TMC1: variants seen among roughly 807,000 people sequenced by gnomAD.
TMC1 encodes the protein transmembrane channel-like protein 1.
TMC1 carries 84 observed loss-of-function variants against 105.8 expected under a neutral mutation model. The ratio of observed to expected loss-of-function variants is 0.79; its 90% CI spans 0.67 to 0.95. TMC1 has a LOEUF of 0.95. Ranked by LOEUF, TMC1 falls within the 40% of genes least tolerant of loss-of-function variation. TMC1 has a pLI of 0.00. For synonymous variants in TMC1, 315 were observed against 311.5 expected (o/e 1.01, Z -0.12); for missense variants, 817 against 914.1 (o/e 0.89, Z 1.37).
chr9:72,558,923 T>C (rs1436846893), intron 1 of TMC1, among the ~76,000 whole-genome samples: 2 of 151,818 alleles, frequency 1.3e-5, no homozygotes, highest in African/African-American at 4.8e-5. Context: ...CATTTTTTTT[T>C]GTTATAAGAA....
At chr9:72,694,817 A>G (rs1490176732) in intron 7 of TMC1, 103 bp downstream of exon 7, 1 of 1,122,866 alleles carries the variant, frequency 8.9e-7, no homozygotes, top group South Asian at 1.4e-5. Flanking sequence ...CTACTTTTAG[A>G]AAGAGAGCCT....
Position 72,732,286 on chromosome 9 carries a change from G to A in TMC1, c.363-7833G>A, listed in dbSNP as rs535647091. Among the ~76,000 whole-genome samples the A allele has an allele frequency of 2.0e-5, 3 of 152,206 alleles. No individual in the cohort carries two copies. In the South Asian group the frequency reaches 6.2e-4, roughly 32 times the overall value. On this transcript the variant is annotated intron_variant, in intron 8 of 23. Transcript: ENST00000297784. Reference sequence around the variant, plus strand: ...TATGAAAAATAATAAATATCAGCTGGGCAAGGTGGCTGACACCTATAATCC... The same window carrying A: ...TATGAAAAATAATAAATATCAGCTGAGCAAGGTGGCTGACACCTATAATCC...
chr9:72,581,011 GTC>G (rs1335623546), intron 2 of TMC1, among the ~76,000 whole-genome samples: 1 of 152,210 alleles, frequency 6.6e-6, no homozygotes, highest in African/African-American at 2.4e-5. Context: ...TTTGCAGAAA[GTC>G]CAGCTTTCAC....
intron 12 of TMC1, among the ~76,000 whole-genome samples, chr9:72,768,408 A>C (rs1827872516): frequency 6.6e-6 from 1 of 152,202 alleles, no homozygotes; most frequent in African/African-American, 2.4e-5. Context: ...CCACCATGGC[A>C]TATGTATACC....
At chr9:72,592,108 G>GGATTT (rs1296658224) in intron 2 of TMC1, among the ~76,000 whole-genome samples, 3 of 152,134 alleles carry the variant, frequency 2.0e-5, no homozygotes, top group African/African-American at 7.2e-5. Flanking sequence ...AACATCAACA[G>GGATTT]GATTTGATCA....
chr9:72,728,527 A>G (rs1415586177), intron 8 of TMC1, among the ~76,000 whole-genome samples: 1 of 152,100 alleles, frequency 6.6e-6, no homozygotes, highest in East Asian at 1.9e-4. Context: ...TAATCTTTAT[A>G]CCATATTTTT....
Position 72,820,829 on chromosome 9 carries a change from G to T in TMC1, c.1764-13G>T, listed in dbSNP as rs762854159. 1.9e-6 allele frequency: 3 copies of T among 1,613,824 alleles called. No homozygotes were observed. The highest frequency in any genetic ancestry group is 1.3e-5 in the African/African-American group (1 of 74,904). Reference sequence around the variant, plus strand: ...AAGACTCAAAACTGAGCAGAGTTCTGTTTTCTTTCTAGGATGGGCTCCTTC... The same window carrying T: ...AAGACTCAAAACTGAGCAGAGTTCTTTTTTCTTTCTAGGATGGGCTCCTTC... On this transcript the variant is annotated splice_polypyrimidine_tract_variant and intron_variant, in intron 19 of 23. Transcript: ENST00000297784.
intron 2 of TMC1, chr9:72,578,398 A>G (rs1824423933): frequency 6.6e-6 from 1 of 152,246 alleles, no homozygotes; most frequent in Admixed American, 6.5e-5. Flanking sequence ...TGCACCAATG[A>G]TGAAAGCCAA....
chr9:72,710,085 T>C (rs1310675444), intron 8 of TMC1, among the ~76,000 whole-genome samples: 4 of 152,216 alleles, frequency 2.6e-5, no homozygotes, highest in Non-Finnish European at 5.9e-5. Context: ...TTTTTTCATT[T>C]CCATCTTGAT....
chr9:72,751,704 A>G, intron 10 of TMC1, 146 bp from the exon 11 acceptor site: 1 of 644,018 alleles, frequency 1.6e-6, no homozygotes, highest in Non-Finnish European at 2.8e-6. Flanking sequence ...CTGAATAGAG[A>G]GAAAAGAATG....
chr9:72,792,087 T>A (rs750986756), intron 16 of TMC1, 22 bp downstream of exon 16: 31 of 1,613,858 alleles, frequency 1.9e-5, no homozygotes, highest in Non-Finnish European at 1.9e-5. Context: ...TTCTGGATTG[T>A]CCTTGCCATA....
chr9:72,784,732 A>C (rs1588081959), intron 13 of TMC1, among the ~76,000 whole-genome samples: 1 of 152,236 alleles, frequency 6.6e-6, no homozygotes. Flanking sequence ...AATGTAGTAT[A>C]TATACACCAT....
In TMC1 at chr9:72,830,697, T is replaced by C; in HGVS notation, c.2260+15T>C. On this transcript the variant is annotated intron_variant, in intron 23 of 23. Transcript: ENST00000297784. ...TGCACGAGCAGGTTGGAGATACGTT[T>C]ATGTTTGTAATGTTTGTAATTTTTC... 1 of 1,610,144 alleles carries C rather than the reference T, an allele frequency of 6.2e-7. No individual in the cohort carries two copies. The highest frequency in any genetic ancestry group is 8.5e-7 in the Non-Finnish European group (1 of 1,177,904).
At chr9:72,523,338 G>C (rs532600505) in intron 1 of TMC1, among the ~76,000 whole-genome samples, 1 of 152,060 alleles carries the variant, frequency 6.6e-6, no homozygotes, top group African/African-American at 2.4e-5. Context: ...TAGGGATGCC[G>C]ACCCTTGCGT....
intron 1 of TMC1, among the ~76,000 whole-genome samples, chr9:72,546,639 TA>T (rs1362329478): frequency 6.6e-6 from 1 of 152,220 alleles, no homozygotes; most frequent in African/African-American, 2.4e-5. Flanking sequence ...GAAAAAATTT[TA>T]AAACCTGCAC....
chr9:72,539,630 C>G (rs1823642989), intron 1 of TMC1, among the ~76,000 whole-genome samples: 1 of 152,090 alleles, frequency 6.6e-6, no homozygotes, highest in African/African-American at 2.4e-5. Flanking sequence ...GCATTTTGGT[C>G]AAAACCACTT....
At chr9:72,609,628 C>A (rs1824989673) in intron 2 of TMC1, among the ~76,000 whole-genome samples, 1 of 152,038 alleles carries the variant, frequency 6.6e-6, no homozygotes, top group African/African-American at 2.4e-5. Context: ...GAAGTTATAC[C>A]AAAACTCTTT....
intron 8 of TMC1, among the ~76,000 whole-genome samples, chr9:72,719,558 T>C (rs1402499926): frequency 6.6e-6 from 1 of 152,220 alleles, no homozygotes; most frequent in Non-Finnish European, 1.5e-5. Flanking sequence ...TCCCAAGTCC[T>C]GCAGGAGCAA....
intron 19 of TMC1, among the ~76,000 whole-genome samples, chr9:72,816,781 T>A (rs1828795072): frequency 6.6e-6 from 1 of 152,086 alleles, no homozygotes; most frequent in African/African-American, 2.4e-5. Flanking sequence ...GTGTGAAGGG[T>A]TGTCATATCT....
Sources: allele counts gnomAD v4.1 joint callset (sites outside exome capture counted in the v4.1 genomes callset), GRCh38; gene constraint gnomAD v4.1.1; transcripts MANE v1.5; gene names NCBI Gene and HGNC (gene_info 2026-07-23, HGNC 2026-07-21).